Variants in SUCLG2 observed in about 807,000 individuals in gnomAD.
SUCLG2 encodes succinate--CoA ligase [GDP-forming] subunit beta, mitochondrial.
In SUCLG2, 42 loss-of-function variants were observed where a neutral mutation model predicts 47.9. The ratio of observed to expected loss-of-function variants is 0.88; its 90% CI spans 0.69 to 1.14. The LOEUF is 1.14. Among genes scored for constraint, SUCLG2 ranks in the 50% most tolerant of loss-of-function variants. The probability of loss-of-function intolerance (pLI) is 0.00; values close to 1 mark genes in which losing one functional copy is unlikely to be tolerated. For missense variants in SUCLG2, 571 were observed against 525.9 expected (o/e 1.09, Z -0.84); for synonymous variants, 195 against 197.3 (o/e 0.99, Z 0.10).
intron 9 of SUCLG2, among the ~76,000 whole-genome samples, chr3:67,419,162 C>A (rs2106854324): frequency 6.6e-6 from 1 of 152,278 alleles, no homozygotes; most frequent in African/African-American, 2.4e-5. Context: ...TTTACATCAG[C>A]TAAATTTACA....
At chr3:67,517,215 T>C (rs1705967241) in intron 6 of SUCLG2, among the ~76,000 whole-genome samples, 1 of 152,200 alleles carries the variant, frequency 6.6e-6, no homozygotes. Context: ...CATTTAAGCA[T>C]ATATATTTTT....
At chr3:67,599,990 T>C (rs1295757620) in intron 2 of SUCLG2, among the ~76,000 whole-genome samples, 2 of 152,248 alleles carry the variant, frequency 1.3e-5, no homozygotes, top group Non-Finnish European at 2.9e-5. Context: ...ACATTGCCAA[T>C]GCCTGTTACA....
At chr3:67,475,148 C>T (rs1328532853) in intron 9 of SUCLG2, among the ~76,000 whole-genome samples, 1 of 152,164 alleles carries the variant, frequency 6.6e-6, no homozygotes, top group African/African-American at 2.4e-5. Flanking sequence ...ACATACAACT[C>T]AGAGTTCCCA....
chr3:67,654,436 G>T, intron 1 of SUCLG2, 67 bp downstream of exon 1: 1 of 1,178,970 alleles, frequency 8.5e-7, no homozygotes, highest in Non-Finnish European at 1.1e-6. Context: ...AGAGTAGCAG[G>T]GGGCGAGGGA....
rs550231214 is a variant in SUCLG2, at chr3:67,498,222, G to A, written c.831C>T (p.Asp277=). ...CAATGGGCTCATTCTCTGATTTGTC[G>A]TCCATAGCAAATATGTCTTTTTGTC... ...EFRQKDIFAM[D]DKSENEPIEN... The change falls in exon 8 of 11, where the codon GAC becomes GAT. Residue 277 remains aspartate, a synonymous_variant. Transcript: ENST00000307227. 2.0e-5 allele frequency: 33 copies of A among 1,613,632 alleles called. No homozygotes were observed. The highest frequency in any genetic ancestry group is 4.5e-5 in the East Asian group (2 of 44,870).
At chr3:67,560,408 C>G (rs898244870) in intron 2 of SUCLG2, among the ~76,000 whole-genome samples, 1 of 152,156 alleles carries the variant, frequency 6.6e-6, no homozygotes, top group African/African-American at 2.4e-5. Context: ...TGCTACTTTG[C>G]TATGGCAGCC....
chr3:67,533,636 T>C (rs1228578229), intron 2 of SUCLG2, among the ~76,000 whole-genome samples: 2 of 152,170 alleles, frequency 1.3e-5, no homozygotes, highest in Non-Finnish European at 2.9e-5. Context: ...TATACAATTA[T>C]ATAGAGATAA....
At chr3:67,373,469 A>G (rs1701980670), downstream of SUCLG2, among the ~76,000 whole-genome samples, 1 of 152,180 alleles carries the variant, frequency 6.6e-6, no homozygotes, top group South Asian at 2.1e-4. Context: ...ATTACAACTC[A>G]AGATGAGATT....
intron 9 of SUCLG2, among the ~76,000 whole-genome samples, chr3:67,474,823 C>T (rs867524814): frequency 6.6e-6 from 1 of 152,112 alleles, no homozygotes; most frequent in Non-Finnish European, 1.5e-5. Flanking sequence ...TAGGGAAGCC[C>T]TATTCCCAGC....
intron 9 of SUCLG2, among the ~76,000 whole-genome samples, chr3:67,450,408 A>T (rs900753814): frequency 6.6e-6 from 1 of 152,224 alleles, no homozygotes; most frequent in Non-Finnish European, 1.5e-5. Context: ...GCCAAAGCAA[A>T]GTGTTTAAGC....
intron 1 of SUCLG2, among the ~76,000 whole-genome samples, chr3:67,653,672 G>A (rs773037553): frequency 6.6e-6 from 1 of 152,220 alleles, no homozygotes; most frequent in Admixed American, 6.5e-5. Flanking sequence ...AAAGGGAAGA[G>A]AGATAGTCTA....
intron 1 of SUCLG2, among the ~76,000 whole-genome samples, chr3:67,652,748 T>A (rs1701309754): frequency 6.6e-6 from 1 of 152,216 alleles, no homozygotes; most frequent in Non-Finnish European, 1.5e-5. Flanking sequence ...AAGCCTTTAC[T>A]CTGGAATGCC....
At chr3:67,554,886 C>T (rs868660572) in intron 2 of SUCLG2, among the ~76,000 whole-genome samples, 8 of 152,202 alleles carry the variant, frequency 5.3e-5, no homozygotes, top group Admixed American at 2.6e-4. Context: ...TCCCCTAGTA[C>T]GTGAGGACAA....
At chr3:67,615,783 T>C (rs1474338919) in intron 1 of SUCLG2, among the ~76,000 whole-genome samples, 1 of 152,080 alleles carries the variant, frequency 6.6e-6, no homozygotes, top group Non-Finnish European at 1.5e-5. Flanking sequence ...AGCACCCCCA[T>C]TCTCTGACCT....
At chr3:67,635,427 C>T (rs946556670) in intron 1 of SUCLG2, among the ~76,000 whole-genome samples, 1 of 152,152 alleles carries the variant, frequency 6.6e-6, no homozygotes, top group South Asian at 2.1e-4. Flanking sequence ...AAGCTGAGAT[C>T]CCAGTGAAGA....
At chr3:67,488,010 T>C (rs1033534713) in intron 9 of SUCLG2, among the ~76,000 whole-genome samples, 4 of 151,908 alleles carry the variant, frequency 2.6e-5, no homozygotes, top group Non-Finnish European at 2.9e-5. Flanking sequence ...TAGAGAACTG[T>C]ACTAGGACAG....
At chr3:67,372,972 G>C (rs376412324), downstream of SUCLG2, among the ~76,000 whole-genome samples, 1 of 152,168 alleles carries the variant, frequency 6.6e-6, no homozygotes, top group Non-Finnish European at 1.5e-5. Context: ...ACACAAATGG[G>C]TGTGTCTGTG....
intron 7 of SUCLG2, among the ~76,000 whole-genome samples, chr3:67,508,128 C>T (rs547302911): frequency 6.6e-6 from 1 of 152,334 alleles, no homozygotes; most frequent in African/African-American, 2.4e-5. Flanking sequence ...AATGCCACCT[C>T]CTCCTGCCTG....
In SUCLG2 at chr3:67,491,378, TTTC is replaced by T. The variant is rs1281922507; in HGVS notation, c.1062+4417_1062+4419del. ...TTCTTTTACTTTTTTTTTTTTTTTT[TTTC>T]CAGACGAAGTCTCGCTCTTGTCTCC... On this transcript the variant is annotated intron_variant, in intron 9 of 10. Coordinates refer to ENST00000307227, the MANE Select transcript of SUCLG2 (RefSeq NM_003848.4). Among the ~76,000 whole-genome samples the T allele has an allele frequency of 4.7e-5, 7 of 148,384 alleles. No individual in the cohort carries two copies. In the South Asian group the frequency reaches 8.5e-4, roughly 18 times the overall value.
Sources: gnomAD v4.1 joint callset for allele counts (sites outside exome capture counted in the v4.1 genomes callset) on GRCh38, gnomAD v4.1.1 for gene constraint, MANE v1.5 for transcripts, NCBI Gene and HGNC (gene_info 2026-07-23, HGNC 2026-07-21) for gene names.